The following PDZRN4 variants were observed in gnomAD, a reference collection of about 807,000 sequenced individuals.
PDZRN4 encodes PDZ domain containing ring finger 4, also known as PDZ domain-containing RING finger protein 4.
A neutral mutation model predicts 99.0 loss-of-function variants in PDZRN4; 70 were observed. That is an observed-to-expected ratio of 0.71 (90% CI 0.58 to 0.86). The LOEUF (loss-of-function observed/expected upper bound fraction) is 0.86, where lower values mean the gene tolerates loss of function less well. Ranked by LOEUF, PDZRN4 falls within the 40% of genes least tolerant of loss-of-function variation. PDZRN4 has a pLI of 0.00. For missense variants in PDZRN4, 1,474 were observed against 1,331.2 expected (o/e 1.11, Z -1.67); for synonymous variants, 551 against 501.6 (o/e 1.10, Z -1.32).
Position 41,517,404 on chromosome 12 carries a change from T to G in PDZRN4, c.1203+7491T>G, listed in dbSNP as rs185089674. On this transcript the variant is annotated intron_variant, in intron 5 of 9. Transcript: ENST00000402685. Reference sequence around the variant, plus strand: ...AAAGGTGTCTGTGAAAGGTTGTGTTTAAGGTGCATATTTGCATATCAAATC... The same window carrying G: ...AAAGGTGTCTGTGAAAGGTTGTGTTGAAGGTGCATATTTGCATATCAAATC... Among the ~76,000 whole-genome samples, 456 of 152,226 alleles carry G rather than the reference T, an allele frequency of 3.0e-3. 1 individual carries two copies. The highest frequency in any genetic ancestry group is 4.8e-3 in the Admixed American group (74 of 15,268).
chr12:41,493,429 G>C (rs1376260924), intron 3 of PDZRN4, among the ~76,000 whole-genome samples: 1 of 152,130 alleles, frequency 6.6e-6, no homozygotes, highest in Non-Finnish European at 1.5e-5. Context: ...AACAGTATTA[G>C]TATAGAAAAA....
At chr12:41,531,789 T>C (rs966321183) in intron 5 of PDZRN4, among the ~76,000 whole-genome samples, 26 of 152,228 alleles carry the variant, frequency 1.7e-4, no homozygotes, top group Admixed American at 6.5e-4. Flanking sequence ...CTATATGGAC[T>C]GTTTTTTGTT....
chr12:41,397,470 C>A lies in PDZRN4; in HGVS notation c.844-108986C>A, dbSNP rs548996025. On this transcript the variant is annotated intron_variant, in intron 3 of 9. Transcript: ENST00000402685. Reference sequence around the variant, plus strand: ...ATAAAAATGGCCAATCAGTAATAATCCAACCCTTATTAACTTGCACTAAAT... The same window carrying A: ...ATAAAAATGGCCAATCAGTAATAATACAACCCTTATTAACTTGCACTAAAT... Among the ~76,000 whole-genome samples, 7 of 152,274 alleles carry A rather than the reference C, an allele frequency of 4.6e-5. No homozygotes were observed. In the South Asian group the frequency reaches 1.4e-3, roughly 32 times the overall value.
At chr12:41,431,859 T>C (rs942837752) in intron 3 of PDZRN4, among the ~76,000 whole-genome samples, 2 of 152,216 alleles carry the variant, frequency 1.3e-5, no homozygotes, top group Non-Finnish European at 2.9e-5. Flanking sequence ...TGGGAACTAT[T>C]AGCAGAAGCA....
intron 3 of PDZRN4, among the ~76,000 whole-genome samples, chr12:41,470,294 G>A (rs1323305260): frequency 1.3e-5 from 2 of 152,028 alleles, no homozygotes; most frequent in Non-Finnish European, 2.9e-5. Context: ...GACTTATTTT[G>A]GCAAAAATCT....
At chr12:41,377,278 A>T (rs1472211852) in intron 3 of PDZRN4, among the ~76,000 whole-genome samples, 3 of 152,144 alleles carry the variant, frequency 2.0e-5, no homozygotes, top group African/African-American at 7.2e-5. Context: ...TAGGATTTTG[A>T]TAAAGATTGC....
chr12:41,233,105 C>A (rs932751527), intron 3 of PDZRN4, among the ~76,000 whole-genome samples: 1 of 152,074 alleles, frequency 6.6e-6, no homozygotes, highest in Non-Finnish European at 1.5e-5. Flanking sequence ...AAAAAACAAA[C>A]AACCCCATCA....
chr12:41,479,579 A>G (rs1465786964), intron 3 of PDZRN4, among the ~76,000 whole-genome samples: 7 of 152,210 alleles, frequency 4.6e-5, no homozygotes, highest in Non-Finnish European at 1.0e-4. Flanking sequence ...TGCCATCATC[A>G]TCAGTTCAAA....
intron 3 of PDZRN4, among the ~76,000 whole-genome samples, chr12:41,392,356 C>T (rs1952216014): frequency 6.6e-6 from 1 of 152,072 alleles, no homozygotes; most frequent in African/African-American, 2.4e-5. Flanking sequence ...AGACCTACTC[C>T]TATCTCATGT....
intron 3 of PDZRN4, among the ~76,000 whole-genome samples, chr12:41,486,604 G>A (rs1213020693): frequency 1.3e-5 from 2 of 152,042 alleles, no homozygotes; most frequent in Non-Finnish European, 2.9e-5. Flanking sequence ...GGTAGCAGCT[G>A]GGAAAGTGCA....
At chr12:41,446,088 C>A (rs187647545) in intron 3 of PDZRN4, among the ~76,000 whole-genome samples, 97 of 152,042 alleles carry the variant, frequency 6.4e-4, no homozygotes, top group Admixed American at 3.5e-3. Context: ...GGTAGCAGCC[C>A]CATATTCTCC....
At chr12:41,561,465 T>C (rs949203428) in intron 7 of PDZRN4, among the ~76,000 whole-genome samples, 1 of 151,562 alleles carries the variant, frequency 6.6e-6, no homozygotes, top group African/African-American at 2.4e-5. Flanking sequence ...TATTATTATA[T>C]GCATTTTAAG....
chr12:41,197,659 A>G (rs1950782350), intron 3 of PDZRN4, among the ~76,000 whole-genome samples: 2 of 152,204 alleles, frequency 1.3e-5, no homozygotes, highest in Admixed American at 6.5e-5. Flanking sequence ...CCAAGAATTC[A>G]CCACAGTATA....
chr12:41,549,107 C>T (rs745827808), intron 5 of PDZRN4, among the ~76,000 whole-genome samples: 10 of 152,114 alleles, frequency 6.6e-5, no homozygotes, highest in Non-Finnish European at 1.5e-4. Context: ...GGATGGTTAG[C>T]GCTGCCATCC....
intron 3 of PDZRN4, among the ~76,000 whole-genome samples, chr12:41,270,171 G>A (rs1951304553): frequency 9.7e-6 from 1 of 103,432 alleles, no homozygotes; most frequent in Non-Finnish European, 2.5e-5. Context: ...ATCACCACAT[G>A]TTATAAATTA....
intron 3 of PDZRN4, among the ~76,000 whole-genome samples, chr12:41,506,186 A>G (rs1938202284): frequency 6.6e-6 from 1 of 152,056 alleles, no homozygotes; most frequent in Non-Finnish European, 1.5e-5. Flanking sequence ...GTGTTACTTA[A>G]ATTTTTAAAT....
At position 41,236,639 on chromosome 12, in the gene PDZRN4, G is replaced by C. The variant is rs188321404; in HGVS notation, c.843+42451G>C. Reference sequence around the variant, plus strand: ...GGACTTGAATGGGTGTGGGGGAGTGGGACTCTGAAGAGGTGATAGATTTGG... The same window carrying C: ...GGACTTGAATGGGTGTGGGGGAGTGCGACTCTGAAGAGGTGATAGATTTGG... On this transcript the variant is annotated intron_variant, in intron 3 of 9. Coordinates refer to ENST00000402685, the MANE Select transcript of PDZRN4 (RefSeq NM_001164595.2). 4.9e-4 allele frequency among the ~76,000 whole-genome samples: 75 copies of C among 152,192 alleles called. No homozygotes were observed. In the East Asian group the frequency reaches 0.014, roughly 28 times the overall value.
chr12:41,434,824 G>A (rs769280447), intron 3 of PDZRN4, among the ~76,000 whole-genome samples: 5 of 152,022 alleles, frequency 3.3e-5, no homozygotes, highest in Admixed American at 6.6e-5. Context: ...TTTTTATCCC[G>A]TATTATTATT....
At chr12:41,240,848 A>G (rs2120782124) in intron 3 of PDZRN4, among the ~76,000 whole-genome samples, 1 of 152,226 alleles carries the variant, frequency 6.6e-6, no homozygotes, top group East Asian at 1.9e-4. Flanking sequence ...CCTCTCAAAG[A>G]CCCACCTCCT....
Sources: gnomAD v4.1 joint callset for allele counts (sites outside exome capture counted in the v4.1 genomes callset) on GRCh38, gnomAD v4.1.1 for gene constraint, MANE v1.5 for transcripts, NCBI Gene and HGNC (gene_info 2026-07-23, HGNC 2026-07-21) for gene names.